CEP112: variants seen among roughly 807,000 people sequenced by gnomAD.
The protein encoded by CEP112 is centrosomal protein of 112 kDa.
Under a neutral mutation model 153.0 loss-of-function variants are expected in CEP112, and 127 were observed. That is an observed-to-expected ratio of 0.83 (90% CI 0.72 to 0.96). CEP112 has a LOEUF of 0.96. Among genes scored for constraint, CEP112 ranks in the 40% least tolerant of loss-of-function variants. CEP112 has a pLI of 0.00. For missense variants in CEP112, 1,089 were observed against 1,101.2 expected (o/e 0.99, Z 0.16); for synonymous variants, 358 against 374.4 (o/e 0.96, Z 0.51).
At chr17:65,799,978 A>G (rs1598619837) in intron 21 of CEP112, among the ~76,000 whole-genome samples, 2 of 152,348 alleles carry the variant, frequency 1.3e-5, no homozygotes, top group East Asian at 3.9e-4. Flanking sequence ...CAGGTGAGTC[A>G]TACATAATTC....
At chr17:66,154,186 G>A (rs981916869) in intron 4 of CEP112, among the ~76,000 whole-genome samples, 8 of 149,058 alleles carry the variant, frequency 5.4e-5, no homozygotes, top group African/African-American at 1.7e-4. Flanking sequence ...TCAAAAAAAA[G>A]GGGGGGCCAA....
At chr17:66,133,406 G>A (rs2070290286) in intron 4 of CEP112, among the ~76,000 whole-genome samples, 1 of 152,166 alleles carries the variant, frequency 6.6e-6, no homozygotes, top group Admixed American at 6.5e-5. Flanking sequence ...GTAGTTTAAA[G>A]TTTCAATTAA....
intron 23 of CEP112, among the ~76,000 whole-genome samples, chr17:65,728,281 A>G (rs2050296776): frequency 6.6e-6 from 1 of 152,256 alleles, no homozygotes; most frequent in African/African-American, 2.4e-5. Context: ...ACACTGTGGA[A>G]TTTGGAGAAG....
At chr17:65,729,031 G>A (rs572833534) in intron 23 of CEP112, among the ~76,000 whole-genome samples, 1 of 152,148 alleles carries the variant, frequency 6.6e-6, no homozygotes, top group Non-Finnish European at 1.5e-5. Flanking sequence ...GCTTAAAACA[G>A]AAACACATTG....
At chr17:65,775,215 G>A (rs138318088) in intron 21 of CEP112, among the ~76,000 whole-genome samples, 303 of 152,040 alleles carry the variant, frequency 2.0e-3, no homozygotes, top group African/African-American at 7.0e-3. Flanking sequence ...GGCCTGCCTG[G>A]AAAGACTCCA....
At chr17:65,917,963 G>A (rs1296012803) in intron 19 of CEP112, among the ~76,000 whole-genome samples, 1 of 152,062 alleles carries the variant, frequency 6.6e-6, no homozygotes, top group African/African-American at 2.4e-5. Flanking sequence ...GATTGCCTGA[G>A]CTCAGGAGTT....
At chr17:65,927,153 C>T (rs531516030) in intron 19 of CEP112, among the ~76,000 whole-genome samples, 41 of 152,292 alleles carry the variant, frequency 2.7e-4, no homozygotes, top group African/African-American at 9.1e-4. Context: ...GCTTCTCTCT[C>T]TCTCTCTCTC....
rs1016685921 is a variant in CEP112, at chr17:65,882,702, G to C, written c.2163+19450C>G. 2.0e-5 allele frequency among the ~76,000 whole-genome samples: 3 copies of C among 152,182 alleles called. No homozygotes were observed. The East Asian group carries it at 5.8e-4, about 29-fold the overall frequency. ...ACATGCACAGGATAATGACATTACAGTAAGTATAGGCTTATGTTATACATA... is the reference window on the plus strand; with the variant it reads ...ACATGCACAGGATAATGACATTACACTAAGTATAGGCTTATGTTATACATA... On this transcript the variant is annotated intron_variant, in intron 20 of 26. Coordinates refer to ENST00000535342, the MANE Select transcript of CEP112 (RefSeq NM_001199165.4).
chr17:66,067,566 C>T (rs1042590783), intron 9 of CEP112, among the ~76,000 whole-genome samples: 1 of 152,030 alleles, frequency 6.6e-6, no homozygotes, highest in African/African-American at 2.4e-5. Flanking sequence ...AATCATATAA[C>T]TTTTCAATGA....
chr17:65,659,286 C>A (rs2046228943), intron 24 of CEP112, among the ~76,000 whole-genome samples: 1 of 151,926 alleles, frequency 6.6e-6, no homozygotes, highest in Non-Finnish European at 1.5e-5. Context: ...AGAGTTCTGA[C>A]CTGGTTTGAG....
intron 23 of CEP112, among the ~76,000 whole-genome samples, chr17:65,738,459 A>G (rs1487297086): frequency 6.6e-6 from 1 of 152,088 alleles, no homozygotes; most frequent in Non-Finnish European, 1.5e-5. Flanking sequence ...AAAATTAAAG[A>G]TTTTTCTAAA....
intron 17 of CEP112, among the ~76,000 whole-genome samples, chr17:65,998,142 G>A (rs949831896): frequency 2.6e-5 from 4 of 151,912 alleles, no homozygotes; most frequent in African/African-American, 9.7e-5. Context: ...TATTTTGAGA[G>A]GCCTGAGGTG....
intron 21 of CEP112, among the ~76,000 whole-genome samples, chr17:65,753,902 T>C (rs2052048597): frequency 6.6e-6 from 1 of 152,186 alleles, no homozygotes; most frequent in Admixed American, 6.5e-5. Context: ...CTACTCTTCA[T>C]GAGTTTATGG....
intron 21 of CEP112, among the ~76,000 whole-genome samples, chr17:65,847,956 C>G (rs1159733787): frequency 6.6e-6 from 1 of 152,068 alleles, no homozygotes; most frequent in East Asian, 1.9e-4. Flanking sequence ...GGGAAAAGAC[C>G]AATGGACCCT....
At chr17:65,966,959 T>C (rs2062437178) in intron 17 of CEP112, among the ~76,000 whole-genome samples, 1 of 152,194 alleles carries the variant, frequency 6.6e-6, no homozygotes, top group Non-Finnish European at 1.5e-5. Flanking sequence ...GCCAAGGAAC[T>C]GGGGCAGTGT....
At chr17:65,678,135 C>T (rs975040297) in intron 24 of CEP112, among the ~76,000 whole-genome samples, 4 of 152,168 alleles carry the variant, frequency 2.6e-5, no homozygotes, top group African/African-American at 9.6e-5. Context: ...TCTCTGCTGA[C>T]TCAACCCCAC....
intron 17 of CEP112, among the ~76,000 whole-genome samples, chr17:65,993,141 T>G (rs2063658889): frequency 1.3e-5 from 2 of 152,142 alleles, no homozygotes; most frequent in Non-Finnish European, 2.9e-5. Flanking sequence ...TCTCCCTATG[T>G]CCATGTGATC....
At position 65,922,043 on chromosome 17, in the gene CEP112, C is replaced by T. The variant is rs1203748616; in HGVS notation, c.1980+5539G>A. Among the ~76,000 whole-genome samples, 4 of 152,216 alleles carry T rather than the reference C, an allele frequency of 2.6e-5. No individual in the cohort carries two copies. In the South Asian group the frequency reaches 8.3e-4, roughly 32 times the overall value. ...CAGAGGGTGTAAGCGTTTTTCATGACTCTTGGTAGAATCTGCCAAAATCCT... is the reference window on the plus strand; with the variant it reads ...CAGAGGGTGTAAGCGTTTTTCATGATTCTTGGTAGAATCTGCCAAAATCCT... On this transcript the variant is annotated intron_variant, in intron 19 of 26. Coordinates refer to ENST00000535342, the MANE Select transcript of CEP112 (RefSeq NM_001199165.4).
intron 24 of CEP112, among the ~76,000 whole-genome samples, chr17:65,644,078 C>T (rs2045300169): frequency 6.6e-6 from 1 of 152,158 alleles, no homozygotes; most frequent in African/African-American, 2.4e-5. Flanking sequence ...AGGTGACTCC[C>T]TTGAGCCACA....
Sources: gnomAD v4.1 joint callset for allele counts (sites outside exome capture counted in the v4.1 genomes callset) on GRCh38, gnomAD v4.1.1 for gene constraint, MANE v1.5 for transcripts, NCBI Gene and HGNC (gene_info 2026-07-23, HGNC 2026-07-21) for gene names.